Variants in ELAPOR2 observed in about 807,000 individuals in gnomAD.
The protein encoded by ELAPOR2 is endosome/lysosome-associated apoptosis and autophagy regulator family member 2.
ELAPOR2 carries 89 observed loss-of-function variants against 120.7 expected under a neutral mutation model. The ratio of observed to expected loss-of-function variants is 0.74; its 90% CI spans 0.62 to 0.88. The LOEUF (loss-of-function observed/expected upper bound fraction) is 0.88. Ranked by LOEUF, ELAPOR2 falls within the 40% of genes least tolerant of loss-of-function variation. ELAPOR2 has a pLI of 0.00. For missense variants in ELAPOR2, 1,134 were observed against 1,251.6 expected (o/e 0.91, Z 1.42); for synonymous variants, 444 against 444.9 (o/e 1.00, Z 0.03).
At chr7:86,967,277 T>C (rs150543764) in intron 1 of ELAPOR2, among the ~76,000 whole-genome samples, 252 of 152,184 alleles carry the variant, frequency 1.7e-3, no homozygotes, top group African/African-American at 5.9e-3. Flanking sequence ...CTGGTCAACA[T>C]GGCGAAACCC....
At chr7:87,049,697 A>G (rs956974185) in intron 1 of ELAPOR2, among the ~76,000 whole-genome samples, 3 of 152,234 alleles carry the variant, frequency 2.0e-5, no homozygotes, top group Non-Finnish European at 2.9e-5. Flanking sequence ...CAGGCAGAAA[A>G]GATCCAGTAC....
rs1311157946 is a variant in ELAPOR2, at chr7:86,912,222, G to A, written c.2019C>T (p.Asp673=). ...NNQDHSVCYS[D]CFFYHEKENQ... ...TTTCTTTTTCATGGTAGAAAAAGCA[G>A]TCACTATAGCAAACCGAATGGTCCT... The change falls in exon 15 of 22, where the codon GAC becomes GAT. Residue 673 remains aspartate, a synonymous_variant. Coordinates refer to ENST00000450689, the MANE Select transcript of ELAPOR2 (RefSeq NM_001142749.3). 3 of 1,605,780 alleles carry A rather than the reference G, an allele frequency of 1.9e-6. No homozygotes were observed. The East Asian group carries it at 6.7e-5, about 36-fold the overall frequency.
chr7:86,905,146 AAAG>A (rs1392736751), intron 18 of ELAPOR2, among the ~76,000 whole-genome samples: 4 of 147,828 alleles, frequency 2.7e-5, no homozygotes, highest in African/African-American at 7.5e-5. Context: ...AAAAGAAAAG[AAAG>A]AAGAGAGAAA....
chr7:87,005,082 G>A (rs1793429990), intron 1 of ELAPOR2, among the ~76,000 whole-genome samples: 1 of 152,034 alleles, frequency 6.6e-6, no homozygotes, highest in Admixed American at 6.6e-5. Context: ...CTGTCTATGT[G>A]CTAAAAGGTC....
chr7:87,046,858 T>C (rs560685385), intron 1 of ELAPOR2, among the ~76,000 whole-genome samples: 3 of 152,252 alleles, frequency 2.0e-5, no homozygotes, highest in African/African-American at 7.2e-5. Context: ...GTCCTTTATA[T>C]CAATGTGAAA....
intron 1 of ELAPOR2, among the ~76,000 whole-genome samples, chr7:87,004,754 A>G (rs1793421102): frequency 6.6e-6 from 1 of 152,194 alleles, no homozygotes; most frequent in Non-Finnish European, 1.5e-5. Context: ...CATGAAGGCC[A>G]TCGGACATAT....
chr7:86,917,350 G>C (rs533727401), intron 12 of ELAPOR2, among the ~76,000 whole-genome samples: 1 of 152,196 alleles, frequency 6.6e-6, no homozygotes, highest in South Asian at 2.1e-4. Context: ...TCAGGAGGCA[G>C]AGGTTGCAGT....
intron 1 of ELAPOR2, among the ~76,000 whole-genome samples, chr7:87,014,405 T>A (rs1370203626): frequency 6.6e-6 from 1 of 152,166 alleles, no homozygotes; most frequent in Non-Finnish European, 1.5e-5. Context: ...GGTAAAAGCT[T>A]CAGTGCTTAT....
At chr7:87,046,424 C>T (rs1313679752) in intron 1 of ELAPOR2, among the ~76,000 whole-genome samples, 2 of 152,182 alleles carry the variant, frequency 1.3e-5, no homozygotes, top group Non-Finnish European at 2.9e-5. Flanking sequence ...CTACGATATT[C>T]TTCAAAGAAA....
At chr7:86,882,863 G>T (rs1472522583) in intron 21 of ELAPOR2, among the ~76,000 whole-genome samples, 1 of 152,114 alleles carries the variant, frequency 6.6e-6, no homozygotes, top group Non-Finnish European at 1.5e-5. Flanking sequence ...CAAACAGGAT[G>T]ATCTTTTTCA....
intron 18 of ELAPOR2, 136 bp downstream of exon 18, chr7:86,907,533 CA>C (rs10547506): frequency 0.25 from 127,402 of 503,062 alleles, 4,636 homozygotes; most frequent in African/African-American, 0.36. Flanking sequence ...ACATTCCCTA[CA>C]AAAAAAAAAA....
chr7:87,008,099 C>T (rs1424750488), intron 1 of ELAPOR2, among the ~76,000 whole-genome samples: 1 of 152,112 alleles, frequency 6.6e-6, no homozygotes, highest in Non-Finnish European at 1.5e-5. Flanking sequence ...TCATACTCAA[C>T]CAAATGATAA....
rs993791948 is a variant in ELAPOR2, at chr7:86,936,734, C to G, written c.1089+1392G>C. ...TGCATATGTGCGTATTCTGCATATA[C>G]ATTTAATATACGGTCTTGCATCCAT... On this transcript the variant is annotated intron_variant, in intron 8 of 21. Transcript: ENST00000450689. Among the ~76,000 whole-genome samples the G allele has an allele frequency of 2.0e-5, 3 of 152,080 alleles. No individual in the cohort carries two copies. The South Asian group carries it at 6.2e-4, about 31-fold the overall frequency.
chr7:86,994,831 G>GC (rs2116610577), intron 1 of ELAPOR2, among the ~76,000 whole-genome samples: 1 of 152,070 alleles, frequency 6.6e-6, no homozygotes, highest in South Asian at 2.1e-4. Flanking sequence ...AAGAGACAGG[G>GC]CTACACTTCC....
At chr7:87,057,899 T>TA (rs1795311530) in intron 1 of ELAPOR2, among the ~76,000 whole-genome samples, 2 of 152,326 alleles carry the variant, frequency 1.3e-5, no homozygotes, top group South Asian at 4.1e-4. Context: ...GGCTGGAGGA[T>TA]AAAGTTTATC....
At chr7:86,947,596 T>C (rs1042959368) in intron 3 of ELAPOR2, 131 bp downstream of exon 3, 7 of 799,790 alleles carry the variant, frequency 8.8e-6, no homozygotes, top group East Asian at 2.7e-5. Flanking sequence ...CCAAAAAACA[T>C]GATTCTTTGC....
At chr7:86,984,869 A>T (rs1337139465) in intron 1 of ELAPOR2, among the ~76,000 whole-genome samples, 1 of 152,140 alleles carries the variant, frequency 6.6e-6, no homozygotes, top group Non-Finnish European at 1.5e-5. Context: ...GACATAAAAA[A>T]CCCTTCAAAA....
intron 17 of ELAPOR2, 114 bp downstream of exon 17, chr7:86,908,333 A>G (rs1288089996): frequency 8.4e-6 from 5 of 597,880 alleles, no homozygotes; most frequent in Non-Finnish European, 1.4e-5. Flanking sequence ...ATAAGAACTC[A>G]CATCTGGTAT....
intron 1 of ELAPOR2, among the ~76,000 whole-genome samples, chr7:87,030,678 C>T (rs1043364342): frequency 1.3e-5 from 2 of 152,158 alleles, no homozygotes; most frequent in African/African-American, 4.8e-5. Context: ...ATCACAGTAG[C>T]TGCAGACAAC....
Sources: gnomAD v4.1 joint callset for allele counts (sites outside exome capture counted in the v4.1 genomes callset) on GRCh38, gnomAD v4.1.1 for gene constraint, MANE v1.5 for transcripts, NCBI Gene and HGNC (gene_info 2026-07-23, HGNC 2026-07-21) for gene names.